OSBPL9: variants seen among roughly 807,000 people sequenced by gnomAD.
The protein encoded by OSBPL9 is oxysterol-binding protein-related protein 9.
In OSBPL9, 40 loss-of-function variants were observed where a neutral mutation model predicts 106.6. That is an observed-to-expected ratio of 0.38 (90% CI 0.29 to 0.49). The LOEUF is 0.49. OSBPL9 is among the 20% of genes least tolerant of loss of function. OSBPL9 has a pLI of 0.97. For synonymous variants in OSBPL9, 269 were observed against 295.4 expected (o/e 0.91, Z 0.92); for missense variants, 609 against 887.2 (o/e 0.69, Z 3.98).
chr1:51,530,400 A>G, the OSBPL9 span, among the ~76,000 whole-genome samples: 1 of 151,956 alleles, frequency 6.6e-6, no homozygotes, highest in South Asian at 2.1e-4. Context: ...TGCAAATCAT[A>G]TACCTGACAA....
At chr1:51,786,785 T>C (rs1169505748) in intron 22 of OSBPL9, among the ~76,000 whole-genome samples, 168 bp downstream of exon 22, 1 of 152,154 alleles carries the variant, frequency 6.6e-6, no homozygotes, top group Non-Finnish European at 1.5e-5. Context: ...TTTGTGACCA[T>C]GGATGGCTCA....
chr1:51,600,914 A>G (rs777580460), intron 2 of OSBPL9, among the ~76,000 whole-genome samples: 61 of 152,256 alleles, frequency 4.0e-4, no homozygotes, highest in Non-Finnish European at 8.4e-4. Context: ...ACAGTTCAGG[A>G]CATACATAAT....
chr1:51,671,004 T>C (rs1414933073), intron 3 of OSBPL9, among the ~76,000 whole-genome samples: 3 of 152,240 alleles, frequency 2.0e-5, no homozygotes, highest in Admixed American at 2.0e-4. Flanking sequence ...GATTTACTTT[T>C]AAATTATTTA....
intron 1 of OSBPL9, among the ~76,000 whole-genome samples, chr1:51,623,589 A>G (rs1172828627): frequency 1.3e-5 from 2 of 152,188 alleles, no homozygotes; most frequent in South Asian, 2.1e-4. Context: ...TAGAGAAATC[A>G]TATGTTCTTT....
At chr1:51,664,946 G>C (rs1271831596) in intron 2 of OSBPL9, among the ~76,000 whole-genome samples, 5 of 152,174 alleles carry the variant, frequency 3.3e-5, no homozygotes, top group Admixed American at 2.0e-4. Flanking sequence ...AATGAGTTCA[G>C]TTCAATAGCT....
At chr1:51,584,900 C>T (rs1465047451) in intron 1 of OSBPL9, among the ~76,000 whole-genome samples, 1 of 152,058 alleles carries the variant, frequency 6.6e-6, no homozygotes, top group African/African-American at 2.4e-5. Flanking sequence ...AGATTTCTCA[C>T]CTGTAAATGG....
chr1:51,717,574 A>G (rs1180871937), intron 4 of OSBPL9, among the ~76,000 whole-genome samples: 5 of 152,140 alleles, frequency 3.3e-5, no homozygotes, highest in Non-Finnish European at 7.3e-5. Context: ...AAGACATACA[A>G]ATGGCAAGGA....
chr1:51,617,568 G>A (rs898590912), intron 1 of OSBPL9, among the ~76,000 whole-genome samples: 2 of 152,160 alleles, frequency 1.3e-5, no homozygotes, highest in African/African-American at 4.8e-5. Context: ...TGCGGTTCAT[G>A]CTGTCTTCAT....
intron 11 of OSBPL9, among the ~76,000 whole-genome samples, chr1:51,765,373 C>A (rs1672345148): frequency 6.6e-6 from 1 of 152,086 alleles, no homozygotes; most frequent in Non-Finnish European, 1.5e-5. Flanking sequence ...AATGTGATAT[C>A]CTGCAATATT....
At chr1:51,617,005 G>T, upstream of OSBPL9, 1 of 1,513,312 alleles carries the variant, frequency 6.6e-7, no homozygotes. Flanking sequence ...CACCGCCCAG[G>T]ACCCGCCCAG....
chr1:51,545,211 T>C, the OSBPL9 span, among the ~76,000 whole-genome samples: 1 of 151,964 alleles, frequency 6.6e-6, no homozygotes, highest in Non-Finnish European at 1.5e-5. Context: ...GTGAACTGGG[T>C]TGCGATCTTA....
At chr1:51,658,111 G>GAA (rs1208373446) in intron 2 of OSBPL9, among the ~76,000 whole-genome samples, 3 of 108,012 alleles carry the variant, frequency 2.8e-5, no homozygotes, top group African/African-American at 3.4e-5. Flanking sequence ...CTGTCTCAAA[G>GAA]AAAAAAAAAA....
intron 2 of OSBPL9, among the ~76,000 whole-genome samples, chr1:51,662,893 C>T (rs571700978): frequency 5.9e-5 from 9 of 152,022 alleles, no homozygotes; most frequent in African/African-American, 2.2e-4. Flanking sequence ...TACAGGCGCC[C>T]ACCACCAGGC....
At chr1:51,682,671 C>T (rs1392361271) in intron 3 of OSBPL9, among the ~76,000 whole-genome samples, 3 of 151,648 alleles carry the variant, frequency 2.0e-5, no homozygotes, top group African/African-American at 2.4e-5. Context: ...GGCAGGAGAT[C>T]GCTCGAACCC....
chr1:51,550,394 TA>T, the OSBPL9 span, among the ~76,000 whole-genome samples: 6 of 152,222 alleles, frequency 3.9e-5, no homozygotes, highest in African/African-American at 9.7e-5. Context: ...TTTCTTATGT[TA>T]GGGGGAAATC....
the OSBPL9 span, among the ~76,000 whole-genome samples, chr1:51,550,759 C>T: frequency 6.6e-6 from 1 of 152,140 alleles, no homozygotes; most frequent in Non-Finnish European, 1.5e-5. Context: ...GGTGATCGAC[C>T]CACCTTAGCC....
At chr1:51,710,487 C>T (rs1370103677) in intron 3 of OSBPL9, among the ~76,000 whole-genome samples, 1 of 152,222 alleles carries the variant, frequency 6.6e-6, no homozygotes, top group Non-Finnish European at 1.5e-5. Context: ...TCATTCTGTG[C>T]AGCTCCTACC....
intron 3 of OSBPL9, among the ~76,000 whole-genome samples, chr1:51,680,012 G>A (rs1378827887): frequency 6.6e-6 from 1 of 152,148 alleles, no homozygotes; most frequent in Non-Finnish European, 1.5e-5. Context: ...GGACTATTCT[G>A]TATGTGTATG....
the OSBPL9 span, among the ~76,000 whole-genome samples, chr1:51,547,091 T>G: frequency 6.6e-6 from 1 of 152,204 alleles, no homozygotes; most frequent in Non-Finnish European, 1.5e-5. Flanking sequence ...CAATCTGACA[T>G]GAAGTATGCA....
Sources: gnomAD v4.1 joint callset for allele counts (sites outside exome capture counted in the v4.1 genomes callset) on GRCh38, gnomAD v4.1.1 for gene constraint, MANE v1.5 for transcripts, NCBI Gene and HGNC (gene_info 2026-07-23, HGNC 2026-07-21) for gene names.